The following IQCM variants were observed in gnomAD, a reference collection of about 807,000 sequenced individuals.
IQCM encodes the protein IQ domain-containing protein M.
A neutral mutation model predicts 57.6 loss-of-function variants in IQCM; 45 were observed. The observed-to-expected ratio is 0.78, with a 90% CI of 0.62 to 1.00. The LOEUF (loss-of-function observed/expected upper bound fraction) is 1.00, where lower values mean the gene tolerates loss of function less well. Among genes scored for constraint, IQCM ranks in the 50% least tolerant of loss-of-function variants. IQCM has a pLI of 0.00. For synonymous variants in IQCM, 148 were observed against 158.9 expected (o/e 0.93, Z 0.51); for missense variants, 468 against 511.6 (o/e 0.91, Z 0.82).
chr4:149,719,398 G>A (rs1284924535), intron 5 of IQCM, among the ~76,000 whole-genome samples: 1 of 150,724 alleles, frequency 6.6e-6, no homozygotes, highest in Non-Finnish European at 1.5e-5. Flanking sequence ...TAGACCTCCA[G>A]TGACTACCAA....
chr4:149,627,809 G>A (rs751013944), intron 7 of IQCM, among the ~76,000 whole-genome samples: 2 of 152,146 alleles, frequency 1.3e-5, no homozygotes, highest in Admixed American at 6.5e-5. Context: ...GAGATTATCC[G>A]GGATTGTCCT....
chr4:149,386,068 T>TCCTTA (rs1731401673), intron 13 of IQCM, among the ~76,000 whole-genome samples: 1 of 152,054 alleles, frequency 6.6e-6, no homozygotes, highest in African/African-American at 2.4e-5. Context: ...AGAAAAGTCG[T>TCCTTA]AATAGTAGGA....
chr4:149,530,399 T>C (rs1190535566), intron 12 of IQCM, among the ~76,000 whole-genome samples: 1 of 152,070 alleles, frequency 6.6e-6, no homozygotes, highest in African/African-American at 2.4e-5. Context: ...CAATAAATAT[T>C]TGTTGAATTA....
chr4:149,740,733 T>G (rs140871844), intron 3 of IQCM, among the ~76,000 whole-genome samples: 1 of 152,134 alleles, frequency 6.6e-6, no homozygotes, highest in Admixed American at 6.6e-5. Context: ...TTCCTAAGTT[T>G]TATTTTGCAG....
chr4:149,488,949 A>C (rs1378281040), intron 12 of IQCM, among the ~76,000 whole-genome samples: 1 of 152,150 alleles, frequency 6.6e-6, no homozygotes, highest in Admixed American at 6.6e-5. Context: ...AAAACAGAAC[A>C]GTAATTTAAG....
At chr4:149,492,948 A>C (rs1260598320) in intron 12 of IQCM, among the ~76,000 whole-genome samples, 2 of 152,240 alleles carry the variant, frequency 1.3e-5, no homozygotes, top group East Asian at 3.9e-4. Flanking sequence ...CCCTGACTGC[A>C]TGTGGCCCAT....
At chr4:149,632,501 T>C (rs1387961542) in intron 7 of IQCM, among the ~76,000 whole-genome samples, 2 of 152,172 alleles carry the variant, frequency 1.3e-5, no homozygotes, top group Admixed American at 6.5e-5. Flanking sequence ...CATCTGTTTT[T>C]GATGACCAGC....
At chr4:149,579,438 C>T (rs1254711140) in intron 9 of IQCM, among the ~76,000 whole-genome samples, 1 of 151,806 alleles carries the variant, frequency 6.6e-6, no homozygotes, top group Non-Finnish European at 1.5e-5. Flanking sequence ...TATTTTGTGT[C>T]CTCTTTGTTC....
At chr4:149,694,144 A>T (rs1384049845) in intron 5 of IQCM, among the ~76,000 whole-genome samples, 1 of 151,656 alleles carries the variant, frequency 6.6e-6, no homozygotes, top group East Asian at 1.9e-4. Flanking sequence ...TAAATAAGAC[A>T]TTTAATACCT....
chr4:149,506,647 A>T (rs958636266), intron 12 of IQCM, among the ~76,000 whole-genome samples: 5 of 152,332 alleles, frequency 3.3e-5, no homozygotes, highest in Middle Eastern at 3.4e-3. Flanking sequence ...TAGAATATAA[A>T]AAGCCATAGT....
chr4:149,641,161 A>T (rs1276321098), intron 7 of IQCM, among the ~76,000 whole-genome samples: 1 of 152,196 alleles, frequency 6.6e-6, no homozygotes, highest in Non-Finnish European at 1.5e-5. Flanking sequence ...TTGATGCTCA[A>T]ATATTAAACT....
chr4:149,594,515 T>C (rs1753563717), intron 8 of IQCM, among the ~76,000 whole-genome samples: 2 of 152,210 alleles, frequency 1.3e-5, no homozygotes, highest in Admixed American at 6.5e-5. Context: ...ATGTGTTTGC[T>C]CTTGCTTCTC....
At chr4:149,506,045 A>G (rs1480534576) in intron 12 of IQCM, among the ~76,000 whole-genome samples, 1 of 152,216 alleles carries the variant, frequency 6.6e-6, no homozygotes, top group Non-Finnish European at 1.5e-5. Context: ...TAGCCTACAT[A>G]TGAAGATTTA....
At chr4:149,475,675 G>GA (rs1740110446) in intron 12 of IQCM, among the ~76,000 whole-genome samples, 1 of 151,940 alleles carries the variant, frequency 6.6e-6, no homozygotes, top group Admixed American at 6.6e-5. Flanking sequence ...GAATGAGAAT[G>GA]AAAAACCAGA....
At chr4:149,686,530 C>A in intron 5 of IQCM, 62 bp from the exon 6 acceptor site, 1 of 608,994 alleles carries the variant, frequency 1.6e-6, no homozygotes, top group Non-Finnish European at 2.4e-6. Context: ...GTGCATTTTT[C>A]AAATTCAATT....
chr4:149,626,089 G>C lies in IQCM; in HGVS notation c.566-4845C>G, dbSNP rs1477490334. 3.9e-5 allele frequency among the ~76,000 whole-genome samples: 6 copies of C among 152,136 alleles called. No individual in the cohort carries two copies. The East Asian group carries it at 9.7e-4, about 25-fold the overall frequency. ...TGTGTCTGTGAGGGTGTTGCCAAAA[G>C]AGATTAGCATTTGAGTCAGTGGGGT... On this transcript the variant is annotated intron_variant, in intron 7 of 13. Coordinates refer to ENST00000636793, the MANE Select transcript of IQCM (RefSeq NM_001363507.2).
chr4:149,741,709 T>C (rs953243889), intron 3 of IQCM, among the ~76,000 whole-genome samples: 2 of 152,162 alleles, frequency 1.3e-5, no homozygotes, highest in Non-Finnish European at 2.9e-5. Context: ...TTAGGATTGC[T>C]TGTATTTGCT....
At chr4:149,804,984 T>C (rs865964950) in intron 2 of IQCM, among the ~76,000 whole-genome samples, 2 of 152,018 alleles carry the variant, frequency 1.3e-5, no homozygotes, top group Non-Finnish European at 2.9e-5. Flanking sequence ...TAATCTTGAA[T>C]GATGATGGGA....
At chr4:149,435,053 T>C (rs1423588304) in intron 12 of IQCM, among the ~76,000 whole-genome samples, 1 of 152,142 alleles carries the variant, frequency 6.6e-6, no homozygotes, top group East Asian at 1.9e-4. Context: ...AAACATTTGT[T>C]CTTTCCTCAG....
Sources: allele counts gnomAD v4.1 joint callset (sites outside exome capture counted in the v4.1 genomes callset), GRCh38; gene constraint gnomAD v4.1.1; transcripts MANE v1.5; gene names NCBI Gene and HGNC (gene_info 2026-07-23, HGNC 2026-07-21).